Variants in RORA observed in about 807,000 individuals in gnomAD.
RORA encodes nuclear receptor ROR-alpha.
In RORA, 7 loss-of-function variants were observed where a neutral mutation model predicts 69.5. The ratio of observed to expected loss-of-function variants is 0.10; its 90% CI spans 0.06 to 0.19. The LOEUF (loss-of-function observed/expected upper bound fraction) is 0.19, where lower values mean the gene tolerates loss of function less well. RORA is among the 10% of genes least tolerant of loss of function. The probability of loss-of-function intolerance (pLI) is 1.00; values close to 1 mark genes in which losing one functional copy is unlikely to be tolerated. For synonymous variants in RORA, 261 were observed against 240.8 expected (o/e 1.08, Z -0.78); for missense variants, 457 against 663.0 (o/e 0.69, Z 3.41).
At chr15:60,876,475 C>T (rs1324541350) in intron 1 of RORA, among the ~76,000 whole-genome samples, 1 of 152,140 alleles carries the variant, frequency 6.6e-6, no homozygotes, top group Non-Finnish European at 1.5e-5. Flanking sequence ...CTTTGGAAAT[C>T]CTGGACATTA....
intron 1 of RORA, among the ~76,000 whole-genome samples, chr15:61,160,465 AAT>A (rs72079481): frequency 0.041 from 6,194 of 152,276 alleles, 434 homozygotes; most frequent in African/African-American, 0.14. Context: ...ATATTCAGTA[AAT>A]ATGTTTATTC....
chr15:61,063,517 G>A (rs918546702), intron 1 of RORA, among the ~76,000 whole-genome samples: 24 of 152,154 alleles, frequency 1.6e-4, no homozygotes, highest in African/African-American at 3.9e-4. Flanking sequence ...TTGTACATTA[G>A]TATGATCAAC....
At chr15:60,780,648 C>T (rs745372870) in intron 1 of RORA, among the ~76,000 whole-genome samples, 2 of 152,078 alleles carry the variant, frequency 1.3e-5, no homozygotes, top group African/African-American at 2.4e-5. Flanking sequence ...ATTCTATGAC[C>T]GTAAAATAAC....
intron 1 of RORA, among the ~76,000 whole-genome samples, chr15:60,774,596 G>A (rs554857082): frequency 1.1e-4 from 17 of 152,180 alleles, no homozygotes; most frequent in Non-Finnish European, 2.4e-4. Context: ...CAGTCTTAGT[G>A]GTATTTGGGA....
intron 1 of RORA, among the ~76,000 whole-genome samples, chr15:60,859,671 T>A (rs2073418421): frequency 1.3e-5 from 2 of 149,162 alleles, no homozygotes; most frequent in African/African-American, 4.9e-5. Context: ...TTTTTTTTTT[T>A]AGAGATGGGG....
chr15:60,617,549 T>C (rs188572131), intron 2 of RORA, among the ~76,000 whole-genome samples: 27 of 152,128 alleles, frequency 1.8e-4, no homozygotes, highest in Non-Finnish European at 3.1e-4. Flanking sequence ...CCAATTTCAA[T>C]GCGTGTTACA....
At chr15:60,578,160 G>A (rs139191290) in intron 2 of RORA, among the ~76,000 whole-genome samples, 170 of 152,134 alleles carry the variant, frequency 1.1e-3, no homozygotes, top group African/African-American at 3.3e-3. Context: ...AAAATACACC[G>A]GTATATTTTG....
intron 1 of RORA, among the ~76,000 whole-genome samples, chr15:61,206,702 C>A (rs930715526): frequency 2.6e-5 from 4 of 152,162 alleles, no homozygotes; most frequent in African/African-American, 9.7e-5. Flanking sequence ...GATGTGATCA[C>A]ACCTGGATGC....
chr15:60,838,466 TG>T (rs2073148532), intron 1 of RORA, among the ~76,000 whole-genome samples: 1 of 152,144 alleles, frequency 6.6e-6, no homozygotes, highest in African/African-American at 2.4e-5. Context: ...CACCGGGCCA[TG>T]GGGCCAGCCT....
chr15:61,185,172 T>C (rs1390172892), intron 1 of RORA, among the ~76,000 whole-genome samples: 2 of 152,050 alleles, frequency 1.3e-5, no homozygotes, highest in Non-Finnish European at 2.9e-5. Flanking sequence ...AGAGAGCTCA[T>C]GGTTTGGATG....
chr15:61,072,316 C>T (rs2078379291), intron 1 of RORA, among the ~76,000 whole-genome samples: 1 of 152,010 alleles, frequency 6.6e-6, no homozygotes, highest in South Asian at 2.1e-4. Flanking sequence ...CCCATAAGTA[C>T]ATGATAAGCC....
At chr15:60,792,287 C>G (rs992586498) in intron 1 of RORA, among the ~76,000 whole-genome samples, 1 of 152,092 alleles carries the variant, frequency 6.6e-6, no homozygotes, top group African/African-American at 2.4e-5. Context: ...GAAGAGTGAA[C>G]AGAGCCTCAG....
chr15:60,520,811 C>A (rs910284801), intron 3 of RORA, among the ~76,000 whole-genome samples: 1 of 152,100 alleles, frequency 6.6e-6, no homozygotes, highest in African/African-American at 2.4e-5. Context: ...GATAAGCTAA[C>A]AAATTACTTG....
Position 60,786,223 on chromosome 15 carries a change from G to C in RORA, c.167-107537C>G, listed in dbSNP as rs183025203. On this transcript the variant is annotated intron_variant, in intron 1 of 10. Coordinates refer to ENST00000335670, the MANE Select transcript of RORA (RefSeq NM_134261.3). ...GCTCTGGATAGGATGTTCTACCTTG[G>C]ACAAGCCACTAAATACATCTGTCCC... Among the ~76,000 whole-genome samples the C allele has an allele frequency of 3.3e-5, 5 of 152,230 alleles. No homozygotes were observed. In the East Asian group the frequency reaches 9.7e-4, roughly 29 times the overall value.
chr15:60,944,484 A>G (rs898781165), intron 1 of RORA, among the ~76,000 whole-genome samples: 7 of 152,176 alleles, frequency 4.6e-5, no homozygotes, highest in African/African-American at 1.4e-4. Context: ...TGGGAGGCTA[A>G]GGCAAGTGGA....
chr15:61,062,449 C>T (rs568015597), intron 1 of RORA, among the ~76,000 whole-genome samples: 10 of 152,190 alleles, frequency 6.6e-5, no homozygotes, highest in Admixed American at 2.6e-4. Flanking sequence ...CAGAGCCGGA[C>T]GCCAGGCCTG....
At chr15:60,656,338 C>A (rs984137049) in intron 2 of RORA, among the ~76,000 whole-genome samples, 1 of 152,100 alleles carries the variant, frequency 6.6e-6, no homozygotes, top group Admixed American at 6.5e-5. Flanking sequence ...AATGGTACAG[C>A]GAGTTTGGAG....
At chr15:60,519,663 C>T (rs558596352) in intron 3 of RORA, among the ~76,000 whole-genome samples, 28 of 152,314 alleles carry the variant, frequency 1.8e-4, no homozygotes, top group African/African-American at 6.0e-4. Context: ...AGCTTCCTAC[C>T]GCCCAGACAT....
chr15:60,761,590 T>C (rs537309656), intron 1 of RORA, among the ~76,000 whole-genome samples: 1 of 152,278 alleles, frequency 6.6e-6, no homozygotes, highest in African/African-American at 2.4e-5. Context: ...TTTGCAAAAA[T>C]GGCTCACTTA....
Sources: allele counts gnomAD v4.1 joint callset (sites outside exome capture counted in the v4.1 genomes callset), GRCh38; gene constraint gnomAD v4.1.1; transcripts MANE v1.5; gene names NCBI Gene and HGNC (gene_info 2026-07-23, HGNC 2026-07-21).